FAM193A: variants seen among roughly 807,000 people sequenced by gnomAD.
FAM193A encodes family with sequence similarity 193 member A, also known as protein FAM193A.
Under a neutral mutation model 126.5 loss-of-function variants are expected in FAM193A, and 22 were observed. That is an observed-to-expected ratio of 0.17 (90% CI 0.12 to 0.25). FAM193A has a LOEUF of 0.25. Among genes scored for constraint, FAM193A ranks in the 10% least tolerant of loss-of-function variants. FAM193A has a pLI of 1.00. For missense variants in FAM193A, 1,675 were observed against 1,672.8 expected (o/e 1.00, Z -0.02); for synonymous variants, 761 against 646.8 (o/e 1.18, Z -2.68).
intron 6 of FAM193A, among the ~76,000 whole-genome samples, chr4:2,645,773 C>T (rs956843185): frequency 1.3e-5 from 2 of 152,122 alleles, no homozygotes; most frequent in South Asian, 2.1e-4. Context: ...GTGATCCCCT[C>T]GCCTAGGCCT....
intron 2 of FAM193A, among the ~76,000 whole-genome samples, chr4:2,601,571 T>G (rs1741199703): frequency 6.6e-6 from 1 of 151,966 alleles, no homozygotes; most frequent in Admixed American, 6.6e-5. Context: ...TTCTTTTTTT[T>G]CTTTTAAACT....
At chr4:2,558,101 C>T (rs763039674) in intron 1 of FAM193A, among the ~76,000 whole-genome samples, 13 of 151,886 alleles carry the variant, frequency 8.6e-5, no homozygotes, top group Non-Finnish European at 1.3e-4. Flanking sequence ...GGTGAAACCC[C>T]GTCTCTACTA....
At position 2,593,202 on chromosome 4, in the gene FAM193A, A is replaced by G. The variant is rs75483514; in HGVS notation, c.256-2882A>G. ...AGCTGGCTCCTTCACAGCCTTATCC[A>G]CTTCCCTTCCTGCAGCCCTGGTCCA... On this transcript the variant is annotated intron_variant, in intron 1 of 20. Coordinates refer to ENST00000637812, the MANE Select transcript of FAM193A (RefSeq NM_001366318.2). 4.2e-3 allele frequency among the ~76,000 whole-genome samples: 646 copies of G among 152,092 alleles called. 1 individual carries two copies. The highest frequency in any genetic ancestry group is 0.015 in the African/African-American group (621 of 41,484).
chr4:2,538,587 C>CA (rs2108797738), intron 1 of FAM193A, among the ~76,000 whole-genome samples: 1 of 135,382 alleles, frequency 7.4e-6, no homozygotes, highest in Non-Finnish European at 1.5e-5. Context: ...TCCTGGAGAT[C>CA]AAAACAGGCC....
chr4:2,611,582 A>G (rs1176313543), intron 2 of FAM193A, among the ~76,000 whole-genome samples: 1 of 151,264 alleles, frequency 6.6e-6, no homozygotes, highest in African/African-American at 2.4e-5. Context: ...CTTAATCTGC[A>G]TTTTCTTAAC....
intron 20 of FAM193A, among the ~76,000 whole-genome samples, chr4:2,730,478 C>T (rs1721248327): frequency 6.6e-6 from 1 of 151,920 alleles, no homozygotes. Context: ...ATCACAAGGT[C>T]AGGATATTGA....
At chr4:2,594,887 G>A (rs1740773805) in intron 1 of FAM193A, among the ~76,000 whole-genome samples, 1 of 120,754 alleles carries the variant, frequency 8.3e-6, no homozygotes, top group Non-Finnish European at 1.6e-5. Flanking sequence ...GGAATGCAGT[G>A]GCGTGATCTT....
At chr4:2,559,574 G>T (rs914711733) in intron 1 of FAM193A, among the ~76,000 whole-genome samples, 1 of 152,168 alleles carries the variant, frequency 6.6e-6, no homozygotes, top group South Asian at 2.1e-4. Context: ...GGGATTACAG[G>T]CGTGAGCCAC....
At position 2,660,073 on chromosome 4, in the gene FAM193A, A is replaced by G. The variant is rs762197551; in HGVS notation, c.1745+19A>G. ...CAACTTTGTAAGTTGTGACTTTGTAATAAAGTTTCCGAAATTTAAGTCGCC... is the reference window on the plus strand; with the variant it reads ...CAACTTTGTAAGTTGTGACTTTGTAGTAAAGTTTCCGAAATTTAAGTCGCC... On this transcript the variant is annotated intron_variant, in intron 10 of 20. Coordinates refer to ENST00000637812, the MANE Select transcript of FAM193A (RefSeq NM_001366318.2). The G allele has an allele frequency of 6.2e-7, 1 of 1,610,012 alleles. No individual in the cohort carries two copies. The highest frequency in any genetic ancestry group is 1.3e-5 in the African/African-American group (1 of 74,898).
Position 2,693,672 on chromosome 4 carries a change from C to A in FAM193A, c.2890C>A (p.Leu964Ile). The A allele has an allele frequency of 6.2e-7, 1 of 1,614,234 alleles. No homozygotes were observed. The highest frequency in any genetic ancestry group is 2.2e-5 in the East Asian group (1 of 44,878). Residue 964 changes from leucine (L) to isoleucine (I), a missense_variant, in exon 16 of 21, where the codon CTC (leucine) becomes ATC (isoleucine). Coordinates refer to ENST00000637812, the MANE Select transcript of FAM193A (RefSeq NM_001366318.2). ...PRNSPTGLAP[L>I]PALSPAALSP... is the part of the protein sequence containing the mutation. ...GAATAGCCCCACGGGCTTGGCCCCCCTCCCAGCGCTCTCGCCTGCTGCGCT... is the reference window on the plus strand; with the variant it reads ...GAATAGCCCCACGGGCTTGGCCCCCATCCCAGCGCTCTCGCCTGCTGCGCT...
At chr4:2,622,863 G>T (rs1742638633) in intron 2 of FAM193A, among the ~76,000 whole-genome samples, 1 of 151,926 alleles carries the variant, frequency 6.6e-6, no homozygotes, top group Non-Finnish European at 1.5e-5. Flanking sequence ...TACCTTAGGG[G>T]TTAAAATTTC....
intron 13 of FAM193A, among the ~76,000 whole-genome samples, chr4:2,677,126 A>G (rs1714502248): frequency 6.6e-6 from 1 of 151,988 alleles, no homozygotes; most frequent in South Asian, 2.1e-4. Flanking sequence ...ATTTTTATAT[A>G]TGGTGTTAGG....
chr4:2,661,994 T>TA (rs1712507870), intron 10 of FAM193A, among the ~76,000 whole-genome samples: 1 of 152,044 alleles, frequency 6.6e-6, no homozygotes, highest in Admixed American at 6.6e-5. Context: ...CTATCCTGGC[T>TA]AACACAGTGA....
intron 7 of FAM193A, 70 bp downstream of exon 7, chr4:2,646,902 T>G: frequency 6.7e-7 from 1 of 1,483,162 alleles, no homozygotes; most frequent in South Asian, 1.3e-5. Flanking sequence ...CAGCACCAAG[T>G]CACTAGCTTT....
At chr4:2,730,529 A>C (rs1721253062) in intron 20 of FAM193A, among the ~76,000 whole-genome samples, 1 of 152,036 alleles carries the variant, frequency 6.6e-6, no homozygotes, top group Admixed American at 6.6e-5. Context: ...TCTCTACTAA[A>C]AATAGAAGAA....
intron 1 of FAM193A, among the ~76,000 whole-genome samples, chr4:2,553,014 A>AT (rs1738037374): frequency 6.6e-6 from 1 of 151,750 alleles, no homozygotes; most frequent in East Asian, 1.9e-4. Flanking sequence ...TGCTCAGTTA[A>AT]TTTTTTGTAT....
Position 2,696,605 on chromosome 4 carries a change from T to C in FAM193A, c.3507+12T>C. The stretch of plus-strand genomic sequence containing the variant: ...ATAAGCAAAGGAAGGCAAGTGACAG[T>C]TCTCAGCACCTGGAGGCGCCAGGTC... On this transcript the variant is annotated intron_variant, in intron 18 of 20. Coordinates refer to ENST00000637812, the MANE Select transcript of FAM193A (RefSeq NM_001366318.2). The C allele has an allele frequency of 6.2e-7, 1 of 1,608,182 alleles. No homozygotes were observed. Among genetic ancestry groups the C allele is most frequent in the Non-Finnish European group, 8.5e-7 (1 of 1,174,794 alleles).
intron 2 of FAM193A, among the ~76,000 whole-genome samples, chr4:2,613,580 A>C (rs1742009475): frequency 6.6e-6 from 1 of 151,144 alleles, no homozygotes; most frequent in African/African-American, 2.4e-5. Flanking sequence ...CAGCCTCCCG[A>C]GTAGCTGGGA....
chr4:2,566,051 C>CTTTTTTTTTT (rs564664549), intron 1 of FAM193A, among the ~76,000 whole-genome samples: 10 of 142,694 alleles, frequency 7.0e-5, no homozygotes, highest in African/African-American at 2.6e-4. Flanking sequence ...TGGAAAATTG[C>CTTTTTTTTTT]TTTTTTTTTT....
Sources: gnomAD v4.1 joint callset for allele counts (sites outside exome capture counted in the v4.1 genomes callset) on GRCh38, gnomAD v4.1.1 for gene constraint, MANE v1.5 for transcripts, NCBI Gene and HGNC (gene_info 2026-07-23, HGNC 2026-07-21) for gene names.